Variants in CARNS1 observed in about 807,000 individuals in gnomAD.
The protein encoded by CARNS1 is ATP-grasp domain containing 1.
CARNS1 carries 61 observed loss-of-function variants against 74.0 expected under a neutral mutation model. The observed-to-expected ratio is 0.82, with a 90% CI of 0.67 to 1.02. The LOEUF (loss-of-function observed/expected upper bound fraction) is 1.02, where lower values mean the gene tolerates loss of function less well. CARNS1 is among the 50% of genes least tolerant of loss of function. CARNS1 has a pLI of 0.00. For missense variants in CARNS1, 1,278 were observed against 1,308.4 expected, an observed-to-expected ratio of 0.98 and a Z score of 0.36; for synonymous variants, 568 against 605.5, an observed-to-expected ratio of 0.94 and a Z score of 0.91.
chr11:67,421,032 TG>T lies in CARNS1; in HGVS notation c.1441del (p.Glu481ArgfsTer86). The T allele has an allele frequency of 7.3e-7, 1 of 1,360,744 alleles. No homozygotes were observed. Among genetic ancestry groups the T allele is most frequent in the Non-Finnish European group, 9.4e-7 (1 of 1,065,272 alleles). The allele number at this position is 1,360,744 out of a possible 1,614,324, so 84.3% of individuals were successfully genotyped here. A position where few individuals can be genotyped will look rare whatever the true frequency, so the allele number is the denominator to read the frequency against. ...GGLCLEACGALEGLWAAPRLG... is the reference protein window; with the variant it reads ...GGLCLEACGAXEGLWAAPRLG... ...CTGTGTCTGGAGGCGTGCGGCGCGC[TG>T]GAGGGGCTGTGGGCCGCGCCGCGGC... is the stretch of plus-strand genomic sequence containing the variant. On this transcript the variant is annotated frameshift_variant, in exon 9 of 10. Coordinates refer to ENST00000687366, the MANE Select transcript of CARNS1 (RefSeq NM_001166222.2). LOFTEE classifies it high-confidence loss of function.
intron 2 of CARNS1, 153 bp from the exon 3 acceptor site, chr11:67,417,254 G>A (rs61734601): frequency 0.071 from 87,345 of 1,236,382 alleles, 3,410 homozygotes; most frequent in Non-Finnish European, 0.081. Flanking sequence ...ACAAGCCTTC[G>A]CCCCCAACAC....
At chr11:67,416,927 G>A (rs1314117187) in intron 2 of CARNS1, 2 of 987,844 alleles carry the variant, frequency 2.0e-6, no homozygotes, top group Non-Finnish European at 2.4e-6. Context: ...TCACATTTAG[G>A]TGTCAGCACA....
intron 1 of CARNS1, 103 bp from the exon 2 acceptor site, chr11:67,416,073 G>A (rs533710074): frequency 8.1e-6 from 6 of 742,594 alleles, no homozygotes; most frequent in African/African-American, 6.9e-5. Context: ...AGGGACAGGT[G>A]TCGGCCACCT....
In CARNS1 at chr11:67,425,383, GC is replaced by G. The variant is rs1863806928; in HGVS notation, c.*785del. 1 of 282,566 alleles carries G rather than the reference GC, an allele frequency of 3.5e-6. No individual in the cohort carries two copies. Among genetic ancestry groups the G allele is most frequent in the Non-Finnish European group, 7.1e-6 (1 of 140,666 alleles). The allele number at this position is 282,566 out of a possible 1,614,324, so 17.5% of individuals were successfully genotyped here. On this transcript the variant is annotated 3_prime_UTR_variant, in exon 10 of 10. Transcript: ENST00000687366. ...ACCTCCCTGCCCTCATTCACAAGTGGCCCTGAGACACGTGAACACCTCCCTC... is the reference window on the plus strand; with the variant it reads ...ACCTCCCTGCCCTCATTCACAAGTGGCCTGAGACACGTGAACACCTCCCTC...
Position 67,419,109 on chromosome 11 carries a change from G to T in CARNS1, c.718G>T (p.Gly240Trp). ...CCTGGCTTTCACCTACAAGCCGCCG[G>T]GGCTGCTGCGGGGAGGGGATGCCAG... ...ATLAFTYKPP[G>W]LLRGGDASLG... The change falls in exon 5 of 10, where the codon GGG becomes TGG. Residue 240 changes from glycine (G) to tryptophan (W), a missense_variant. Physicochemically the swap from Gly to Trp is radical, Grantham distance 184. Around this residue, in one of 3 missense-constraint regions of CARNS1, gnomAD observed 1,164 missense variants for 1,156.5 expected, o/e 1.01. Transcript: ENST00000687366. 1 of 1,571,940 alleles carries T rather than the reference G, an allele frequency of 6.4e-7. No homozygotes were observed. Among genetic ancestry groups the T allele is most frequent in the Non-Finnish European group, 8.6e-7 (1 of 1,157,846 alleles).
In CARNS1 at chr11:67,418,797, G is replaced by A. The variant is rs766159727; in HGVS notation, c.406G>A (p.Val136Met). Residue 136 changes from valine to methionine, a missense_variant, in exon 5 of 10, where the codon GTG (valine) becomes ATG (methionine). Around this residue, in one of 3 missense-constraint regions of CARNS1, gnomAD observed 1,164 missense variants for 1,156.5 expected, o/e 1.01. Transcript: ENST00000687366. ...LCLSPAWLMK[V>M]PAPGQPGEAA... ...CCTGTCCCCTGCTTGGCTGATGAAG[G>A]TGCCAGCACCCGGGCAGCCGGGTGA... 1 of 1,600,842 alleles carries A rather than the reference G, an allele frequency of 6.2e-7. No individual in the cohort carries two copies. Among genetic ancestry groups the A allele is most frequent in the East Asian group, 2.3e-5 (1 of 44,182 alleles).
intron 2 of CARNS1, chr11:67,416,457 GC>G (rs1174484568): frequency 1.5e-6 from 2 of 1,335,982 alleles, no homozygotes; most frequent in Non-Finnish European, 1.9e-6. Flanking sequence ...AGAGGCTCTG[GC>G]CCTGGCAAAC....
In CARNS1 at chr11:67,423,741, G is replaced by A. The variant is rs372103279; in HGVS notation, c.1993G>A (p.Val665Met). 15 of 1,581,380 alleles carry A rather than the reference G, an allele frequency of 9.5e-6. No individual in the cohort carries two copies. In the Admixed American group the frequency reaches 1.6e-4, roughly 17 times the overall value. Residue 665 changes from valine to methionine, a missense_variant, in exon 10 of 10, where the codon GTG becomes ATG. Physicochemically the swap from Val to Met is conservative, Grantham distance 21. This residue lies in a region of CARNS1 where 1,164 missense variants were observed against 1,156.5 expected (regional missense o/e 1.01). Coordinates refer to ENST00000687366, the MANE Select transcript of CARNS1 (RefSeq NM_001166222.2). The surrounding 1 kb of genome is among the most constrained non-coding windows in gnomAD (Gnocchi z 5.1). Reference protein sequence around the residue: ...LESEADVERAVHQVPLPGVMK... With the variant: ...LESEADVERAMHQVPLPGVMK... ...GAGTGAGGCTGATGTGGAGAGGGCC[G>A]TGCACCAGGTACCCCTGCCAGGTGT... is the stretch of plus-strand genomic sequence containing the variant.
Position 67,419,476 on chromosome 11 carries a change from C to G in CARNS1, c.853-11C>G. 1 of 1,611,526 alleles carries G rather than the reference C, an allele frequency of 6.2e-7. No homozygotes were observed. Among genetic ancestry groups the G allele is most frequent in the Non-Finnish European group, 8.5e-7 (1 of 1,179,360 alleles). ...GGTGTCCAGGAGGCCCCTTTCCCCTCCTTGCTGCAGGTAGCTGTGAAGCTC... is the reference window on the plus strand; with the variant it reads ...GGTGTCCAGGAGGCCCCTTTCCCCTGCTTGCTGCAGGTAGCTGTGAAGCTC... On this transcript the variant is annotated splice_polypyrimidine_tract_variant and intron_variant, in intron 5 of 9. Coordinates refer to ENST00000687366, the MANE Select transcript of CARNS1 (RefSeq NM_001166222.2).
rs778084627 is a variant in CARNS1, at chr11:67,419,694, G to A, written c.1027+33G>A. 10 of 1,587,948 alleles carry A rather than the reference G, an allele frequency of 6.3e-6. No individual in the cohort carries two copies. In the East Asian group the frequency reaches 7.0e-5, roughly 11 times the overall value. On this transcript the variant is annotated intron_variant, in intron 6 of 9. Transcript: ENST00000687366. ...CCACCTGGGCTGACCAGGGATGGGA[G>A]TTTGGTGTGGCCTTCTGGCCACTCT...
In CARNS1 at chr11:67,419,215, G is replaced by T; in HGVS notation, c.824G>T (p.Arg275Leu). The T allele has an allele frequency of 6.7e-7, 1 of 1,492,336 alleles. No individual in the cohort carries two copies. Among genetic ancestry groups the T allele is most frequent in the East Asian group, 2.5e-5 (1 of 40,486 alleles). The allele number at this position is 1,492,336 out of a possible 1,614,324, so 92.4% of individuals were successfully genotyped here. Residue 275 changes from arginine (R) to leucine (L), a missense_variant, in exon 5 of 10, where the codon CGC (arginine) becomes CTC (leucine). Physicochemically the swap from Arg to Leu is moderately radical, Grantham distance 102 (BLOSUM62 -2). Transcript: ENST00000687366. Reference sequence around the variant, plus strand: ...AAAGAGGAAGTGGAGGCTTTTCTGCGCTCCGAGGCCCTGGGTGATATCCTG... The same window carrying T: ...AAAGAGGAAGTGGAGGCTTTTCTGCTCTCCGAGGCCCTGGGTGATATCCTG... Reference protein sequence around the residue: ...LVKEEVEAFLRSEALGDILQV... With the variant: ...LVKEEVEAFLLSEALGDILQV...
chr11:67,418,081 G>A (rs983561141), intron 3 of CARNS1, among the ~76,000 whole-genome samples: 1 of 152,176 alleles, frequency 6.6e-6, no homozygotes, highest in Non-Finnish European at 1.5e-5. Context: ...GGGTTCACAG[G>A]CAGAATACCT....
At chr11:67,417,254 G>GC in intron 2 of CARNS1, 153 bp from the exon 3 acceptor site, 1 of 1,236,402 alleles carries the variant, frequency 8.1e-7, no homozygotes, top group East Asian at 3.2e-5. Context: ...ACAAGCCTTC[G>GC]CCCCCAACAC....
intron 8 of CARNS1, 47 bp downstream of exon 8, chr11:67,420,887 G>A (rs1396655720): frequency 4.5e-6 from 6 of 1,323,562 alleles, no homozygotes; most frequent in African/African-American, 1.6e-5. Context: ...AGGGCCAGGG[G>A]CTGGAGGGCG....
intron 1 of CARNS1, 24 bp from the exon 2 acceptor site, chr11:67,416,152 C>G: frequency 7.2e-7 from 1 of 1,397,596 alleles, no homozygotes; most frequent in Admixed American, 2.0e-5. Context: ...CTTCGTCTCT[C>G]TGTCCCTCTG....
In CARNS1 at chr11:67,419,809, A is replaced by G. The variant is rs1299270160; in HGVS notation, c.1084A>G (p.Thr362Ala). 6.3e-7 allele frequency: 1 copy of G among 1,596,314 alleles called. No individual in the cohort carries two copies. Among genetic ancestry groups the G allele is most frequent in the Admixed American group, 1.7e-5 (1 of 57,784 alleles). Reference protein sequence around the residue: ...AVRICAVVCRTQGDRPLLSKV... With the variant: ...AVRICAVVCRAQGDRPLLSKV... ...GCGAATCTGTGCTGTGGTGTGTCGG[A>G]CACAGGGTGATAGGCCACTGCTGAG... is the stretch of plus-strand genomic sequence containing the variant. The change falls in exon 7 of 10, where the codon ACA becomes GCA. Residue 362 changes from threonine (T) to alanine (A), a missense_variant. This residue lies in a region of CARNS1 where 1,164 missense variants were observed against 1,156.5 expected (regional missense o/e 1.01). Coordinates refer to ENST00000687366, the MANE Select transcript of CARNS1 (RefSeq NM_001166222.2).
At chr11:67,421,304 G>C (rs1452321216) in intron 9 of CARNS1, 85 bp downstream of exon 9, 14 of 1,323,616 alleles carry the variant, frequency 1.1e-5, no homozygotes, top group Non-Finnish European at 1.4e-5. Context: ...CTGGAGCAAA[G>C]GGGCGTCCTT....
chr11:67,416,140 T>TC, intron 1 of CARNS1, 36 bp from the exon 2 acceptor site: 1 of 1,324,412 alleles, frequency 7.6e-7, no homozygotes, highest in Non-Finnish European at 1.0e-6. Flanking sequence ...CTGCCCTGAC[T>TC]CCTTCGTCTC....
chr11:67,419,245 T>G lies in CARNS1; in HGVS notation c.852+2T>G. 2.0e-6 allele frequency: 3 copies of G among 1,471,380 alleles called. No individual in the cohort carries two copies. The highest frequency in any genetic ancestry group is 2.7e-6 in the Non-Finnish European group (3 of 1,106,532). 91.1% of individuals were successfully genotyped at this position (1,471,380 alleles called of 1,614,324 possible). A position where few individuals can be genotyped will look rare whatever the true frequency, so the allele number is the denominator to read the frequency against. ...GAGGCCCTGGGTGATATCCTGCAGG[T>G]AACAGACTCTCGCCCACCCTGAGGT... On this transcript the variant is annotated splice_donor_variant, in intron 5 of 9. Transcript: ENST00000687366. LOFTEE classifies it high-confidence loss of function.
Sources: allele counts gnomAD v4.1 joint callset (sites outside exome capture counted in the v4.1 genomes callset), GRCh38; gene constraint gnomAD v4.1.1; regional missense constraint gnomAD v4.1.1; non-coding constraint Gnocchi (gnomAD v3.1); transcripts MANE v1.5; gene names NCBI Gene and HGNC (gene_info 2026-07-23, HGNC 2026-07-21).